The following CPNE4 variants were observed in gnomAD, a reference collection of about 807,000 sequenced individuals.
The protein encoded by CPNE4 is copine 4, also known as copine-4.
CPNE4 carries 25 observed loss-of-function variants against 67.9 expected under a neutral mutation model. The ratio of observed to expected loss-of-function variants is 0.37; its 90% CI spans 0.27 to 0.51. The LOEUF (loss-of-function observed/expected upper bound fraction) is 0.51, where lower values mean the gene tolerates loss of function less well. Among genes scored for constraint, CPNE4 ranks in the 20% least tolerant of loss-of-function variants. The pLI is 0.93. For synonymous variants in CPNE4, 242 were observed against 244.9 expected, an observed-to-expected ratio of 0.99 and a Z score of 0.11; for missense variants, 464 against 690.8, an observed-to-expected ratio of 0.67 and a Z score of 3.68.
intron 1 of CPNE4, among the ~76,000 whole-genome samples, chr3:132,024,605 T>C (rs888299685): frequency 6.6e-6 from 1 of 152,230 alleles, no homozygotes; most frequent in African/African-American, 2.4e-5. Flanking sequence ...TATAATTATT[T>C]GCTCAAGCAT....
At position 131,787,786 on chromosome 3, in the gene CPNE4, G is replaced by T. The variant is rs1047775782; in HGVS notation, c.181-64161C>A. ...TTGACTTTCCCCTACTTGGTGATAAGTTCCTGGAAGGCAGAATCTGGAAAC... is the reference window on the plus strand; with the variant it reads ...TTGACTTTCCCCTACTTGGTGATAATTTCCTGGAAGGCAGAATCTGGAAAC... On this transcript the variant is annotated intron_variant, in intron 2 of 15. Coordinates refer to ENST00000429747, the MANE Select transcript of CPNE4 (RefSeq NM_130808.3). 2.0e-5 allele frequency among the ~76,000 whole-genome samples: 3 copies of T among 152,110 alleles called. No homozygotes were observed. The East Asian group carries it at 5.8e-4, about 29-fold the overall frequency.
intron 7 of CPNE4, among the ~76,000 whole-genome samples, chr3:131,596,586 C>A (rs7653579): frequency 0.67 from 69,747 of 104,666 alleles, 25,952 homozygotes; most frequent in Non-Finnish European, 0.8. Flanking sequence ...CCCGCCACTG[C>A]ACTCCAGCCT....
chr3:131,564,138 T>C, intron 11 of CPNE4, 78 bp downstream of exon 11: 1 of 1,566,178 alleles, frequency 6.4e-7, no homozygotes, highest in Non-Finnish European at 8.8e-7. Flanking sequence ...AATTTCCACT[T>C]TCTGCCCAGG....
At chr3:131,708,957 GAT>G (rs202119937) in intron 3 of CPNE4, among the ~76,000 whole-genome samples, 2,424 of 65,686 alleles carry the variant, frequency 0.037, 73 homozygotes, top group Middle Eastern at 0.15. Context: ...AGGGCATAAA[GAT>G]ATATATATAT....
intron 10 of CPNE4, among the ~76,000 whole-genome samples, chr3:131,565,349 C>T (rs140687875): frequency 1.2e-3 from 189 of 151,984 alleles, no homozygotes; most frequent in African/African-American, 4.2e-3. Flanking sequence ...TTACTATGCC[C>T]GAAAGGCTCT....
At position 131,645,843 on chromosome 3, in the gene CPNE4, T is replaced by C. The variant is rs550420916; in HGVS notation, c.681+23832A>G. On this transcript the variant is annotated intron_variant, in intron 7 of 15. Transcript: ENST00000429747. ...CAGGCATTACCATCTTTGTAGGTAATGTAGTTTAAGCACAGGAAGGTTATT... is the reference window on the plus strand; with the variant it reads ...CAGGCATTACCATCTTTGTAGGTAACGTAGTTTAAGCACAGGAAGGTTATT... Among the ~76,000 whole-genome samples, 21 of 152,344 alleles carry C rather than the reference T, an allele frequency of 1.4e-4. No individual in the cohort carries two copies. In the East Asian group the frequency reaches 2.7e-3, roughly 20 times the overall value.
In CPNE4 at chr3:131,886,148, G is replaced by C. The variant is rs1005479183; in HGVS notation, c.180+19116C>G. On this transcript the variant is annotated intron_variant, in intron 2 of 15. Transcript: ENST00000429747. ...AAGTGGTTTCATGGGCTGGGCCCAG[G>C]GTCCCCAAGCTGAGCCGTGTGCAGC... is the stretch of plus-strand genomic sequence containing the variant. Among the ~76,000 whole-genome samples the C allele has an allele frequency of 1.7e-4, 26 of 152,190 alleles. 1 individual carries two copies. Among genetic ancestry groups the C allele is most frequent in the Non-Finnish European group, 8.8e-5 (6 of 68,038 alleles).
At chr3:131,799,886 ATTG>A (rs1418205072) in intron 2 of CPNE4, among the ~76,000 whole-genome samples, 1 of 145,022 alleles carries the variant, frequency 6.9e-6, no homozygotes, top group East Asian at 2.1e-4. Context: ...CATCAGGTGG[ATTG>A]TTTTTTGTTG....
At chr3:131,710,489 C>T (rs2081530862) in intron 3 of CPNE4, among the ~76,000 whole-genome samples, 1 of 152,144 alleles carries the variant, frequency 6.6e-6, no homozygotes. Context: ...AACTGCTACT[C>T]TACCTTTTCA....
chr3:131,606,794 T>G (rs1374225751), intron 7 of CPNE4, among the ~76,000 whole-genome samples: 1 of 152,058 alleles, frequency 6.6e-6, no homozygotes, highest in Non-Finnish European at 1.5e-5. Context: ...AGCCACCCTC[T>G]AAATGTCTGG....
intron 2 of CPNE4, among the ~76,000 whole-genome samples, chr3:131,763,195 G>A (rs1475343214): frequency 2.0e-5 from 3 of 151,858 alleles, no homozygotes; most frequent in Admixed American, 1.3e-4. Context: ...TTTTCAAATC[G>A]GACAAGTAAT....
At chr3:131,777,645 T>TA (rs2083324179) in intron 2 of CPNE4, among the ~76,000 whole-genome samples, 1 of 152,118 alleles carries the variant, frequency 6.6e-6, no homozygotes, top group Non-Finnish European at 1.5e-5. Context: ...ATAGCAGCCA[T>TA]AGAGACTCAA....
intron 2 of CPNE4, among the ~76,000 whole-genome samples, chr3:131,799,571 A>G (rs2084016412): frequency 6.6e-6 from 1 of 152,172 alleles, no homozygotes; most frequent in South Asian, 2.1e-4. Context: ...TATTAAATAA[A>G]CTGAAGTAAT....
chr3:131,657,558 G>A (rs2107636249), intron 7 of CPNE4, among the ~76,000 whole-genome samples: 1 of 145,592 alleles, frequency 6.9e-6, no homozygotes, highest in Admixed American at 7.0e-5. Flanking sequence ...TTTTTTGAGA[G>A]GGAGTCTCAC....
chr3:131,558,547 A>T lies in CPNE4; in HGVS notation c.1062-2996T>A, dbSNP rs778656864. On this transcript the variant is annotated intron_variant, in intron 11 of 15. Coordinates refer to ENST00000429747, the MANE Select transcript of CPNE4 (RefSeq NM_130808.3). ...ATAGTATAAAATACAATAAAAAAAA[A>T]CCCTACGTGCTTCAATGGTAATGAG... Among the ~76,000 whole-genome samples, 41 of 151,866 alleles carry T rather than the reference A, an allele frequency of 2.7e-4. 1 individual carries two copies. Among genetic ancestry groups the T allele is most frequent in the Admixed American group, 2.2e-3 (34 of 15,238 alleles).
At chr3:132,010,822 G>T (rs2073742208) in intron 1 of CPNE4, among the ~76,000 whole-genome samples, 1 of 152,130 alleles carries the variant, frequency 6.6e-6, no homozygotes, top group South Asian at 2.1e-4. Flanking sequence ...GTTACTTCTA[G>T]TTGTTAGAGT....
At chr3:131,762,803 CATT>C (rs1310370702) in intron 2 of CPNE4, among the ~76,000 whole-genome samples, 4 of 151,784 alleles carry the variant, frequency 2.6e-5, no homozygotes, top group Admixed American at 6.6e-5. Context: ...TAGATAGCAT[CATT>C]ATTTTACGGA....
At chr3:131,708,274 T>C (rs1463263937) in intron 3 of CPNE4, among the ~76,000 whole-genome samples, 4 of 151,546 alleles carry the variant, frequency 2.6e-5, no homozygotes, top group Non-Finnish European at 5.9e-5. Flanking sequence ...ACTGAGTGAG[T>C]AGGACACATT....
At chr3:131,882,723 A>ATTTTTTTT (rs534737633) in intron 2 of CPNE4, among the ~76,000 whole-genome samples, 8 of 136,164 alleles carry the variant, frequency 5.9e-5, no homozygotes, top group Non-Finnish European at 7.8e-5. Flanking sequence ...GTTCTGCTCT[A>ATTTTTTTT]TTTTTTTTTT....
Sources: allele counts gnomAD v4.1 joint callset (sites outside exome capture counted in the v4.1 genomes callset), GRCh38; gene constraint gnomAD v4.1.1; transcripts MANE v1.5; gene names NCBI Gene and HGNC (gene_info 2026-07-23, HGNC 2026-07-21).